The following NDST1 variants were observed in gnomAD, a reference collection of about 807,000 sequenced individuals.
NDST1 encodes N-deacetylase and N-sulfotransferase 1, also known as bifunctional heparan sulfate N-deacetylase/N-sulfotransferase 1.
A neutral mutation model predicts 92.8 loss-of-function variants in NDST1; 35 were observed. The observed-to-expected ratio is 0.38, with a 90% CI of 0.29 to 0.50. The LOEUF is 0.50. Among genes scored for constraint, NDST1 ranks in the 20% least tolerant of loss-of-function variants. NDST1 has a pLI of 0.94. For missense variants in NDST1, 822 were observed against 1,182.7 expected (o/e 0.69, Z 4.47); for synonymous variants, 493 against 500.3 (o/e 0.99, Z 0.19).
Position 150,535,889 on chromosome 5 carries a change from A to T in NDST1, c.1437+4A>T. ...CTTCATCCACAATGGCATCATGGTG[A>T]GTGGGCCCCTGGAAGCCCAGGAGGT... On this transcript the variant is annotated splice_donor_region_variant and intron_variant, in intron 6 of 14. Coordinates refer to ENST00000261797, the MANE Select transcript of NDST1 (RefSeq NM_001543.5). The T allele has an allele frequency of 6.2e-7, 1 of 1,612,848 alleles. No homozygotes were observed.
At chr5:150,516,976 AGTGTGTGTGTGTGTGTGTGTGT>A (rs56170880) in intron 1 of NDST1, among the ~76,000 whole-genome samples, 2 of 143,674 alleles carry the variant, frequency 1.4e-5, no homozygotes, top group South Asian at 4.5e-4. Context: ...GACATTTTCT[AGTGTGTGTGTGTGTGTGTGTGT>A]GTGTGTGTGT....
chr5:150,544,463 G>A (rs1268576517), intron 10 of NDST1, among the ~76,000 whole-genome samples: 1 of 152,198 alleles, frequency 6.6e-6, no homozygotes, highest in Non-Finnish European at 1.5e-5. Context: ...ATTCCCAAGA[G>A]CTTGATTTTG....
At chr5:150,507,183 C>T (rs576501026), upstream of NDST1, among the ~76,000 whole-genome samples, 1 of 152,314 alleles carries the variant, frequency 6.6e-6, no homozygotes, top group South Asian at 2.1e-4. Flanking sequence ...GCTGGCAGGA[C>T]CCTTGGCCAC....
chr5:150,524,607 G>A (rs774990797), intron 2 of NDST1, among the ~76,000 whole-genome samples: 1 of 152,260 alleles, frequency 6.6e-6, no homozygotes, highest in Non-Finnish European at 1.5e-5. Context: ...ATCCTGTGAA[G>A]TAGGCACTTT....
intron 9 of NDST1, 54 bp downstream of exon 9, chr5:150,541,720 C>A: frequency 6.5e-7 from 1 of 1,535,994 alleles, no homozygotes; most frequent in Non-Finnish European, 9.0e-7. Context: ...GTCTCAGCCA[C>A]AGAATTCTGA....
chr5:150,521,810 T>C lies in NDST1; in HGVS notation c.513+43T>C, dbSNP rs747665662. The C allele has an allele frequency of 1.1e-5, 18 of 1,607,292 alleles. No homozygotes were observed. The African/African-American group carries it at 2.4e-4, about 21-fold the overall frequency. On this transcript the variant is annotated intron_variant, in intron 2 of 14. Coordinates refer to ENST00000261797, the MANE Select transcript of NDST1 (RefSeq NM_001543.5). This position sits in a 1 kb window ranked among gnomAD's most constrained non-coding sequence, Gnocchi z 5.9. ...TCCCCGAGCAGTTCAGAGCCCCCTC[T>C]GCAGCTCAGTGCCTGAATTCTCATT...
At chr5:150,544,165 T>G (rs1311348722) in intron 10 of NDST1, among the ~76,000 whole-genome samples, 1 of 152,144 alleles carries the variant, frequency 6.6e-6, no homozygotes, top group Non-Finnish European at 1.5e-5. Context: ...ATTTTTCAGG[T>G]TTTAGAAAGG....
At chr5:150,540,502 C>T (rs1203044826) in intron 8 of NDST1, among the ~76,000 whole-genome samples, 3 of 152,078 alleles carry the variant, frequency 2.0e-5, no homozygotes, top group Non-Finnish European at 2.9e-5. Flanking sequence ...TCATACATAG[C>T]CTTGGAAAAA....
At chr5:150,505,796 T>A (rs940508493), upstream of NDST1, among the ~76,000 whole-genome samples, 2 of 152,170 alleles carry the variant, frequency 1.3e-5, no homozygotes, top group Non-Finnish European at 2.9e-5. Flanking sequence ...TTATTTTTTT[T>A]AGAGATGGGG....
chr5:150,520,451 C>T (rs1225192635), intron 1 of NDST1, among the ~76,000 whole-genome samples: 3 of 152,210 alleles, frequency 2.0e-5, no homozygotes, highest in South Asian at 2.1e-4. Context: ...GGTATTCAGT[C>T]GTGATTTAGA....
upstream of NDST1, among the ~76,000 whole-genome samples, chr5:150,506,219 T>C (rs1753448169): frequency 6.6e-6 from 1 of 152,190 alleles, no homozygotes. Context: ...CAGGTGATCC[T>C]CGCACCTCAG....
intron 14 of NDST1, among the ~76,000 whole-genome samples, chr5:150,552,166 T>G (rs1056552249): frequency 6.6e-6 from 1 of 152,056 alleles, no homozygotes; most frequent in Non-Finnish European, 1.5e-5. Context: ...CACCACTAAG[T>G]AGAATACAGG....
chr5:150,531,517 T>TTTTTTTTTA (rs1754734523), intron 3 of NDST1, among the ~76,000 whole-genome samples: 3 of 137,696 alleles, frequency 2.2e-5, no homozygotes, highest in East Asian at 4.0e-4. Context: ...TTTTTTTTTT[T>TTTTTTTTTA]GAGATGGAGT....
At chr5:150,497,827 C>T (rs573170511), upstream of NDST1, 3 of 152,386 alleles carry the variant, frequency 2.0e-5, no homozygotes, top group South Asian at 2.1e-4. Flanking sequence ...CCCTGAGCAC[C>T]GATCCATGCC....
chr5:150,514,825 C>T (rs906497569), intron 1 of NDST1, among the ~76,000 whole-genome samples: 2 of 152,150 alleles, frequency 1.3e-5, no homozygotes, highest in Non-Finnish European at 2.9e-5. Flanking sequence ...ATAACAGCTG[C>T]TCATTCATTC....
At chr5:150,511,943 G>C (rs1355103457) in intron 1 of NDST1, among the ~76,000 whole-genome samples, 1 of 150,970 alleles carries the variant, frequency 6.6e-6, no homozygotes, top group African/African-American at 2.4e-5. Flanking sequence ...GGTGTGGCTG[G>C]GTGGGGGTGA....
At chr5:150,508,601 A>G (rs1425323560) in intron 1 of NDST1, among the ~76,000 whole-genome samples, 1 of 152,142 alleles carries the variant, frequency 6.6e-6, no homozygotes, top group East Asian at 1.9e-4. Flanking sequence ...CCAAGAGTTT[A>G]AAGATTTATT....
intron 2 of NDST1, among the ~76,000 whole-genome samples, chr5:150,526,103 T>TTGCTATTC (rs1308660572): frequency 1.3e-5 from 2 of 152,206 alleles, no homozygotes; most frequent in African/African-American, 4.8e-5. Flanking sequence ...GCCTTTGCAC[T>TTGCTATTC]TGCTATTCTT....
At chr5:150,511,405 A>C (rs1428976756) in intron 1 of NDST1, among the ~76,000 whole-genome samples, 1 of 152,132 alleles carries the variant, frequency 6.6e-6, no homozygotes, top group Non-Finnish European at 1.5e-5. Flanking sequence ...GGAGCAGGGG[A>C]GCTCAATCAG....
Sources: allele counts gnomAD v4.1 joint callset (sites outside exome capture counted in the v4.1 genomes callset), GRCh38; gene constraint gnomAD v4.1.1; non-coding constraint Gnocchi (gnomAD v3.1); transcripts MANE v1.5; gene names NCBI Gene and HGNC (gene_info 2026-07-23, HGNC 2026-07-21).